The following RGS6 variants were observed in gnomAD, a reference collection of about 807,000 sequenced individuals.
RGS6 encodes the protein regulator of G-protein signaling 6.
A neutral mutation model predicts 78.5 loss-of-function variants in RGS6; 30 were observed. The observed-to-expected ratio is 0.38, with a 90% CI of 0.29 to 0.52. The LOEUF (loss-of-function observed/expected upper bound fraction) is 0.52. RGS6 is among the 20% of genes least tolerant of loss of function. RGS6 has a pLI of 0.85. For missense variants in RGS6, 495 were observed against 609.7 expected (o/e 0.81, Z 1.98); for synonymous variants, 206 against 206.0 (o/e 1.00, Z 0.00).
intron 8 of RGS6, among the ~76,000 whole-genome samples, chr14:72,470,715 A>C (rs928949047): frequency 1.3e-5 from 2 of 152,076 alleles, no homozygotes; most frequent in African/African-American, 2.4e-5. Context: ...CCCCGTCTCT[A>C]CTAAAAATAC....
At position 72,364,703 on chromosome 14, in the gene RGS6, C is replaced by T. The variant is rs1368078667; in HGVS notation, c.184+12509C>T. Among the ~76,000 whole-genome samples the T allele has an allele frequency of 3.3e-5, 5 of 152,186 alleles. No individual in the cohort carries two copies. The South Asian group carries it at 6.2e-4, about 19-fold the overall frequency. On this transcript the variant is annotated intron_variant, in intron 3 of 17. Coordinates refer to ENST00000553525, the MANE Select transcript of RGS6 (RefSeq NM_001204424.2). ...CTTTATTTCTTGCACTGCTACATAA[C>T]GTACTGTCCATACCTACATGTGACT...
At chr14:72,135,045 CCCAGTTCAACTGACACATAAAATTAA>C (rs2096409269) in intron 2 of RGS6, among the ~76,000 whole-genome samples, 5 of 152,200 alleles carry the variant, frequency 3.3e-5, no homozygotes, top group Admixed American at 2.6e-4. Context: ...TATCCCTTAA[CCCAGTTCAACTGACACATAAAATTAA>C]CCATCACAAT....
chr14:71,907,706 A>G, the RGS6 span, among the ~76,000 whole-genome samples: 1 of 152,148 alleles, frequency 6.6e-6, no homozygotes, highest in Non-Finnish European at 1.5e-5. Context: ...CAAGGTGGGA[A>G]GAGCAGGCAG....
chr14:72,617,999 A>C, the RGS6 span, among the ~76,000 whole-genome samples: 4 of 152,064 alleles, frequency 2.6e-5, no homozygotes, highest in East Asian at 3.9e-4. Flanking sequence ...CCTCGGGGCT[A>C]TCTTCCAACA....
intron 2 of RGS6, among the ~76,000 whole-genome samples, chr14:72,248,305 G>A (rs1461922718): frequency 6.6e-6 from 1 of 152,224 alleles, no homozygotes; most frequent in Admixed American, 6.5e-5. Context: ...CATTAAGCCA[G>A]AGGGTAAAGA....
chr14:72,339,347 A>G (rs1326855195), intron 2 of RGS6, among the ~76,000 whole-genome samples: 3 of 152,200 alleles, frequency 2.0e-5, no homozygotes, highest in Admixed American at 2.0e-4. Context: ...CAGTGACTTG[A>G]TCTTGAACTT....
chr14:72,408,969 T>A (rs1005746743), intron 3 of RGS6, among the ~76,000 whole-genome samples: 5 of 152,028 alleles, frequency 3.3e-5, no homozygotes, highest in African/African-American at 1.2e-4. Context: ...GAAAGTAGAG[T>A]GTAAAATAGA....
At chr14:72,428,944 T>C (rs2094526757) in intron 3 of RGS6, among the ~76,000 whole-genome samples, 2 of 152,256 alleles carry the variant, frequency 1.3e-5, no homozygotes, top group Admixed American at 1.3e-4. Context: ...TTCTCACCTG[T>C]AATCCTAGCA....
the RGS6 span, among the ~76,000 whole-genome samples, chr14:72,576,772 C>A: frequency 6.6e-6 from 1 of 152,178 alleles, no homozygotes; most frequent in Admixed American, 6.5e-5. Flanking sequence ...TCTCTCAGTG[C>A]TTCTAACCTG....
intron 2 of RGS6, among the ~76,000 whole-genome samples, chr14:72,293,423 A>G (rs974150142): frequency 1.3e-5 from 2 of 152,144 alleles, no homozygotes; most frequent in Admixed American, 1.3e-4. Context: ...TGAGGTTTTG[A>G]AAAGTTCTTC....
the RGS6 span, among the ~76,000 whole-genome samples, chr14:72,605,561 G>A: frequency 8.5e-5 from 13 of 152,224 alleles, no homozygotes; most frequent in African/African-American, 2.4e-4. Flanking sequence ...TTCAAAACAC[G>A]GGCTGAGGCT....
chr14:72,030,296 T>C (rs1182240666), intron 2 of RGS6, among the ~76,000 whole-genome samples: 1 of 152,094 alleles, frequency 6.6e-6, no homozygotes, highest in Non-Finnish European at 1.5e-5. Context: ...ACATTACATA[T>C]AAATGGACTA....
intron 2 of RGS6, among the ~76,000 whole-genome samples, chr14:72,106,855 G>T (rs2095643262): frequency 6.6e-6 from 1 of 152,182 alleles, no homozygotes; most frequent in African/African-American, 2.4e-5. Flanking sequence ...AGTATCAGCA[G>T]CTGGATATAG....
At chr14:72,305,104 T>C (rs1018663624) in intron 2 of RGS6, among the ~76,000 whole-genome samples, 2 of 152,220 alleles carry the variant, frequency 1.3e-5, no homozygotes, top group African/African-American at 4.8e-5. Flanking sequence ...TGTCTTTTCA[T>C]ATGCTTACAA....
In RGS6 at chr14:72,562,487, A is replaced by G. The variant is rs1219847897; in HGVS notation, c.*20A>G. On this transcript the variant is annotated 3_prime_UTR_variant, in exon 18 of 18. Coordinates refer to ENST00000553525, the MANE Select transcript of RGS6 (RefSeq NM_001204424.2). ...TCCTGACCGTTCCTACCGCAGGTCCAGGGCCTGGGCCCGCGGACCCCACAG... is the reference window on the plus strand; with the variant it reads ...TCCTGACCGTTCCTACCGCAGGTCCGGGGCCTGGGCCCGCGGACCCCACAG... 2.5e-5 allele frequency: 41 copies of G among 1,611,232 alleles called. No individual in the cohort carries two copies. The highest frequency in any genetic ancestry group is 3.5e-5 in the Non-Finnish European group (41 of 1,179,986).
At chr14:71,997,227 TC>T (rs749956612) in intron 2 of RGS6, among the ~76,000 whole-genome samples, 174 of 152,232 alleles carry the variant, frequency 1.1e-3, no homozygotes, top group Non-Finnish European at 2.0e-3. Context: ...TGCTCAGGCC[TC>T]CAGGGGATGT....
At chr14:72,109,480 T>G (rs2095706050) in intron 2 of RGS6, among the ~76,000 whole-genome samples, 1 of 152,206 alleles carries the variant, frequency 6.6e-6, no homozygotes, top group Non-Finnish European at 1.5e-5. Flanking sequence ...ACTTGAGAGA[T>G]ATAGCATTTT....
At chr14:72,222,662 C>T (rs577082658) in intron 2 of RGS6, among the ~76,000 whole-genome samples, 17 of 152,324 alleles carry the variant, frequency 1.1e-4, no homozygotes, top group African/African-American at 3.8e-4. Context: ...TACCAAGTGT[C>T]ATGCAAAACA....
At chr14:72,506,964 C>T (rs369944434) in intron 13 of RGS6, among the ~76,000 whole-genome samples, 19 of 116,608 alleles carry the variant, frequency 1.6e-4, no homozygotes, top group African/African-American at 4.3e-4. Flanking sequence ...CTGGCTAACA[C>T]GGTGAAACCC....
Sources: allele counts gnomAD v4.1 joint callset (sites outside exome capture counted in the v4.1 genomes callset), GRCh38; gene constraint gnomAD v4.1.1; transcripts MANE v1.5; gene names NCBI Gene and HGNC (gene_info 2026-07-23, HGNC 2026-07-21).